The following ERAL1 variants were observed in gnomAD, a reference collection of about 807,000 sequenced individuals.
ERAL1 encodes the protein Era like 12S mitochondrial rRNA chaperone 1.
Under a neutral mutation model 53.6 loss-of-function variants are expected in ERAL1, and 36 were observed. That is an observed-to-expected ratio of 0.67 (90% confidence interval 0.51 to 0.89). The LOEUF (loss-of-function observed/expected upper bound fraction) is 0.89, where lower values mean the gene tolerates loss of function less well. Among genes scored for constraint, ERAL1 ranks in the 40% least tolerant of loss-of-function variants. The pLI, the probability that ERAL1 is intolerant of heterozygous loss-of-function variation, is 0.00. For missense variants in ERAL1, 512 were observed against 537.5 expected, an observed-to-expected ratio of 0.95 and a Z score of 0.47; for synonymous variants, 215 against 211.8, an observed-to-expected ratio of 1.02 and a Z score of -0.13.
intron 4 of ERAL1, 32 bp from the exon 5 acceptor site, chr17:28,858,113 AC>A (rs2039263894): frequency 6.2e-7 from 1 of 1,613,466 alleles, no homozygotes; most frequent in African/African-American, 1.3e-5. Flanking sequence ...TAGTCATAAG[AC>A]CTTTCCTGAC....
rs750332700 is a variant in ERAL1 at position 28,856,286 on chromosome 17, C to G, written c.306C>G (p.Val102=). The part of the protein sequence containing the change: ...MNRDEQDVLL[V]HHPDMPENSR... The stretch of plus-strand genomic sequence containing the variant: ...TAGATGAGCAGGATGTCCTCTTGGT[C>G]CATCACCCTGATATGCCTGAGAATT... Residue 102 remains valine, a synonymous_variant, in exon 2 of 10, where the codon GTC becomes GTG. Transcript: ENST00000254928. 1 of 1,614,064 alleles carries G rather than the reference C, an allele frequency of 6.2e-7. No individual in the cohort carries two copies. Among genetic ancestry groups the G allele is most frequent in the Non-Finnish European group, 8.5e-7 (1 of 1,179,964 alleles).
rs1256138764 is a variant in ERAL1, at chr17:28,860,570, C to T, written c.*17C>T. 6.3e-7 allele frequency: 1 copy of T among 1,577,052 alleles called. No homozygotes were observed. The highest frequency in any genetic ancestry group is 8.6e-7 in the Non-Finnish European group (1 of 1,165,548). The stretch of plus-strand genomic sequence containing the variant: ...CTCAAGTGACCACCCTCTACTGACC[C>T]TCCCAGGGCATTCCAGCTCAAGCTG... On this transcript the variant is annotated 3_prime_UTR_variant, in exon 10 of 10. Transcript: ENST00000254928.
At position 28,860,631 on chromosome 17, in the gene ERAL1, G is replaced by C; in HGVS notation, c.*78G>C. 2 of 1,485,904 alleles carry C rather than the reference G, an allele frequency of 1.3e-6. No homozygotes were observed. Among genetic ancestry groups the C allele is most frequent in the Non-Finnish European group, 1.8e-6 (2 of 1,123,342 alleles). The allele number at this position is 1,485,904 out of a possible 1,614,324, so 92.0% of individuals were successfully genotyped here. A position where few individuals can be genotyped will look rare whatever the true frequency, so the allele number is the denominator to read the frequency against. Reference sequence around the variant, plus strand: ...CTGACCAGTTCTGTCCTTGGCTGGGGACCCTCCAGGCACTGGTGAGAGACA... The same window carrying C: ...CTGACCAGTTCTGTCCTTGGCTGGGCACCCTCCAGGCACTGGTGAGAGACA... On this transcript the variant is annotated 3_prime_UTR_variant, in exon 10 of 10. Coordinates refer to ENST00000254928, the MANE Select transcript of ERAL1 (RefSeq NM_005702.4).
rs1183267213 is a variant in ERAL1 at position 28,860,871 on chromosome 17, T to C, written c.*318T>C. The C allele has an allele frequency of 5.1e-6, 1 of 197,316 alleles. No homozygotes were observed. Among genetic ancestry groups the C allele is most frequent in the African/African-American group, 2.4e-5 (1 of 42,150 alleles). 12.2% of individuals were successfully genotyped at this position (197,316 alleles called of 1,614,324 possible). A position where few individuals can be genotyped will look rare whatever the true frequency, so the allele number is the denominator to read the frequency against. ...CAGCTAGCTATGGGCCCAGAGTTTCTCCCTGAGTCGCTGTTGCTAGCAGGG... is the reference window on the plus strand; with the variant it reads ...CAGCTAGCTATGGGCCCAGAGTTTCCCCCTGAGTCGCTGTTGCTAGCAGGG... On this transcript the variant is annotated 3_prime_UTR_variant, in exon 10 of 10. Transcript: ENST00000254928.
rs776573336 is a variant in ERAL1, at chr17:28,858,357, G to A, written c.599-17G>A. 10 of 1,613,612 alleles carry A rather than the reference G, an allele frequency of 6.2e-6. No individual in the cohort carries two copies. Among genetic ancestry groups the A allele is most frequent in the South Asian group, 1.1e-5 (1 of 91,072 alleles). On this transcript the variant is annotated splice_polypyrimidine_tract_variant and intron_variant, in intron 5 of 9. Transcript: ENST00000254928. ...TGACCATTTCCTTTTCCTTCTTCCT[G>A]CCTTGCCATCTTCTAGTTGTGGTTC...
In ERAL1 at chr17:28,858,788, G is replaced by T; in HGVS notation, c.924G>T (p.Leu308Phe). The change falls in exon 7 of 10, where the codon TTG becomes TTT. Residue 308 changes from leucine to phenylalanine, a missense_variant. Physicochemically the swap from Leu to Phe is conservative, Grantham distance 22. Coordinates refer to ENST00000254928, the MANE Select transcript of ERAL1 (RefSeq NM_005702.4). Reference sequence around the variant, plus strand: ...CCCACTTCAAGGAGATCTTCATGTTGTCAGCCCTAAGCCAGGAGGACGTGA... The same window carrying T: ...CCCACTTCAAGGAGATCTTCATGTTTTCAGCCCTAAGCCAGGAGGACGTGA... ...GWPHFKEIFM[L>F]SALSQEDVKT... 1 of 1,614,178 alleles carries T rather than the reference G, an allele frequency of 6.2e-7. No homozygotes were observed. The highest frequency in any genetic ancestry group is 8.5e-7 in the Non-Finnish European group (1 of 1,180,022).
At chr17:28,857,222 C>T (rs1408595859) in intron 3 of ERAL1, among the ~76,000 whole-genome samples, 1 of 151,554 alleles carries the variant, frequency 6.6e-6, no homozygotes, top group African/African-American at 2.4e-5. Flanking sequence ...GTTCTCCTGC[C>T]TCAGCCTCCC....
chr17:28,858,966 A>G lies in ERAL1; in HGVS notation c.963A>G (p.Gln321=), dbSNP rs753577252. The G allele has an allele frequency of 2.5e-5, 41 of 1,613,966 alleles. No homozygotes were observed. The highest frequency in any genetic ancestry group is 3.5e-5 in the Non-Finnish European group (41 of 1,180,032). The change falls in exon 8 of 10, where the codon CAA becomes CAG. Residue 321 remains glutamine (Q), a splice_region_variant and synonymous_variant. Transcript: ENST00000254928. ...ATCTATTCCCTCTGTTCCCACAGCA[A>G]TACCTTCTGACACAGGCCCAGCCAG... ...LSQEDVKTLK[Q]YLLTQAQPGP... is the part of the protein sequence containing the mutation.
At position 28,858,984 on chromosome 17, in the gene ERAL1, C is replaced by G; in HGVS notation, c.981C>G (p.Ala327=). 6.2e-7 allele frequency: 1 copy of G among 1,614,128 alleles called. No individual in the cohort carries two copies. Among genetic ancestry groups the G allele is most frequent in the Non-Finnish European group, 8.5e-7 (1 of 1,180,038 alleles). The change falls in exon 8 of 10, where the codon GCC becomes GCG. Residue 327 remains alanine (A), a synonymous_variant. Transcript: ENST00000254928. ...CACAGCAATACCTTCTGACACAGGCCCAGCCAGGGCCCTGGGAGTACCACA... is the reference window on the plus strand; with the variant it reads ...CACAGCAATACCTTCTGACACAGGCGCAGCCAGGGCCCTGGGAGTACCACA... ...KTLKQYLLTQ[A]QPGPWEYHSA... is the part of the protein sequence containing the mutation.
At position 28,858,720 on chromosome 17, in the gene ERAL1, C is replaced by A; in HGVS notation, c.856C>A (p.Pro286Thr). ...THCPSPAVKD[P>T]NTQSVGNPQR... The stretch of plus-strand genomic sequence containing the variant: ...TTGCCCCAGCCCAGCAGTTAAGGAC[C>A]CAAACACACAATCTGTGGGAAATCC... The change falls in exon 7 of 10, where the codon CCA (proline) becomes ACA (threonine). Residue 286 changes from proline to threonine, a missense_variant. Transcript: ENST00000254928. The A allele has an allele frequency of 6.2e-7, 1 of 1,614,204 alleles. No homozygotes were observed. Among genetic ancestry groups the A allele is most frequent in the Non-Finnish European group, 8.5e-7 (1 of 1,180,038 alleles).
intron 3 of ERAL1, 131 bp downstream of exon 3, chr17:28,856,713 T>TC (rs776192236): frequency 3.0e-5 from 24 of 813,204 alleles, no homozygotes; most frequent in South Asian, 8.0e-5. Flanking sequence ...CTTTTCTTTT[T>TC]CTTTTTTTTT....
chr17:28,855,453 C>G, intron 1 of ERAL1, 136 bp downstream of exon 1: 1 of 1,030,132 alleles, frequency 9.7e-7, no homozygotes, highest in Non-Finnish European at 1.3e-6. Flanking sequence ...AAAAATCTCT[C>G]AGGAGAGAAA....
intron 6 of ERAL1, 41 bp downstream of exon 6, chr17:28,858,527 A>G: frequency 6.2e-7 from 1 of 1,614,014 alleles, no homozygotes; most frequent in Non-Finnish European, 8.5e-7. Flanking sequence ...ACTTCCCTCC[A>G]AGTCCCCTAT....
At chr17:28,858,549 C>T (rs754646187) in intron 6 of ERAL1, 27 bp from the exon 7 acceptor site, 7 of 1,614,124 alleles carry the variant, frequency 4.3e-6, no homozygotes, top group Non-Finnish European at 2.5e-6. Flanking sequence ...TCTGACCACA[C>T]ACCCTTTGCC....
chr17:28,855,060 C>A lies in ERAL1; in HGVS notation c.26C>A (p.Ala9Asp). The A allele has an allele frequency of 6.2e-7, 1 of 1,608,478 alleles. No homozygotes were observed. The highest frequency in any genetic ancestry group is 2.2e-5 in the East Asian group (1 of 44,740). ...ATGGCTGCCCCCAGCTGGCGCGGGG[C>A]TAGGCTTGTTCAATCGGTGTTAAGA... MAAPSWRG[A>D]RLVQSVLRVW... is the part of the protein sequence containing the mutation. Residue 9 changes from alanine to aspartate, a missense_variant, in exon 1 of 10, where the codon GCT becomes GAT. Transcript: ENST00000254928.
intron 5 of ERAL1, 35 bp from the exon 6 acceptor site, chr17:28,858,339 T>G: frequency 6.2e-7 from 1 of 1,611,352 alleles, no homozygotes; most frequent in Non-Finnish European, 8.5e-7. Context: ...GAGTGACCAT[T>G]TCCTTTTCCT....
intron 7 of ERAL1, 37 bp from the exon 8 acceptor site, chr17:28,858,927 G>A: frequency 3.1e-6 from 5 of 1,613,080 alleles, no homozygotes; most frequent in Non-Finnish European, 4.2e-6. Context: ...GTCCTGGTTG[G>A]GATTAAGATG....
intron 3 of ERAL1, among the ~76,000 whole-genome samples, chr17:28,857,498 C>T (rs1325578039): frequency 2.6e-5 from 4 of 151,856 alleles, no homozygotes; most frequent in African/African-American, 9.7e-5. Flanking sequence ...ATGGTAGAAA[C>T]CTAAGGTCAG....
At position 28,860,529 on chromosome 17, in the gene ERAL1, C is replaced by T. The variant is rs2039295318; in HGVS notation, c.1290C>T (p.Arg430=). 2 of 1,603,918 alleles carry T rather than the reference C, an allele frequency of 1.2e-6. No individual in the cohort carries two copies. Among genetic ancestry groups the T allele is most frequent in the African/African-American group, 2.7e-5 (2 of 74,466 alleles). The change falls in exon 10 of 10, where the codon CGC becomes CGT. Residue 430 remains arginine (R), a synonymous_variant. Coordinates refer to ENST00000254928, the MANE Select transcript of ERAL1 (RefSeq NM_005702.4). ...MDIFLCDVDI[R]LSVKLLK The stretch of plus-strand genomic sequence containing the variant: ...TCTTCCTCTGCGATGTTGACATCCG[C>T]CTCTCTGTGAAGCTCCTCAAGTGAC...
Sources: allele counts gnomAD v4.1 joint callset (sites outside exome capture counted in the v4.1 genomes callset), GRCh38; gene constraint gnomAD v4.1.1; transcripts MANE v1.5; gene names NCBI Gene and HGNC (gene_info 2026-07-23, HGNC 2026-07-21).